PLXDC2: variants seen among roughly 807,000 people sequenced by gnomAD.
PLXDC2 encodes the protein plexin domain containing 2, also known as plexin domain-containing protein 2.
Under a neutral mutation model 68.9 loss-of-function variants are expected in PLXDC2, and 40 were observed. That is an observed-to-expected ratio of 0.58 (90% confidence interval 0.45 to 0.76). PLXDC2 has a LOEUF of 0.76. Among genes scored for constraint, PLXDC2 ranks in the 30% least tolerant of loss-of-function variants. The probability of loss-of-function intolerance (pLI) is 0.00; values close to 1 mark genes in which losing one functional copy is unlikely to be tolerated. For synonymous variants in PLXDC2, 243 were observed against 234.2 expected (o/e 1.04, Z -0.34); for missense variants, 644 against 661.9 (o/e 0.97, Z 0.30).
At chr10:20,024,305 A>T (rs186577184) in intron 2 of PLXDC2, among the ~76,000 whole-genome samples, 5 of 152,332 alleles carry the variant, frequency 3.3e-5, no homozygotes, top group African/African-American at 1.2e-4. Flanking sequence ...ACTAATTGGT[A>T]AGAGATCATT....
chr10:20,120,717 T>C (rs113067498), intron 4 of PLXDC2, among the ~76,000 whole-genome samples: 6 of 152,132 alleles, frequency 3.9e-5, no homozygotes, highest in African/African-American at 1.4e-4. Flanking sequence ...TCGAGCTTCA[T>C]GTGTAGGGAA....
chr10:19,981,505 C>G (rs1834548760), intron 1 of PLXDC2, among the ~76,000 whole-genome samples: 1 of 152,096 alleles, frequency 6.6e-6, no homozygotes, highest in Non-Finnish European at 1.5e-5. Flanking sequence ...TATTCTATAC[C>G]TGATGCAGCA....
chr10:20,284,054 C>A lies in PLXDC2; in HGVS notation c.*4235C>A, dbSNP rs1219185262. 2.0e-5 allele frequency: 3 copies of A among 152,144 alleles called. No homozygotes were observed. The South Asian group carries it at 6.2e-4, about 32-fold the overall frequency. The allele number at this position is 152,144 out of a possible 1,614,324, so 9.4% of individuals were successfully genotyped here. A position where few individuals can be genotyped will look rare whatever the true frequency, so the allele number is the denominator to read the frequency against. On this transcript the variant is annotated 3_prime_UTR_variant, in exon 14 of 14. Transcript: ENST00000377252. ...ACTTGAGAAAGGTTTTGCCAGGATC[C>A]ACAGATCGCTTCAAGATGCTTTCGT...
At chr10:20,248,486 T>G (rs1489462660) in intron 13 of PLXDC2, among the ~76,000 whole-genome samples, 1 of 152,206 alleles carries the variant, frequency 6.6e-6, no homozygotes, top group Admixed American at 6.5e-5. Flanking sequence ...AATAACTCTT[T>G]CTTCTTTTCA....
chr10:19,825,134 G>T (rs778672901), intron 1 of PLXDC2, among the ~76,000 whole-genome samples: 4 of 152,140 alleles, frequency 2.6e-5, no homozygotes, highest in Non-Finnish European at 5.9e-5. Flanking sequence ...TCAAGAGAGG[G>T]TCACAGGCCA....
At chr10:19,818,237 T>C (rs1836394115) in intron 1 of PLXDC2, among the ~76,000 whole-genome samples, 1 of 128,314 alleles carries the variant, frequency 7.8e-6, no homozygotes, top group African/African-American at 2.7e-5. Context: ...GGTGTGTGTG[T>C]GTGTGTGTGT....
intron 1 of PLXDC2, among the ~76,000 whole-genome samples, chr10:19,837,308 AG>A (rs1836812499): frequency 6.6e-6 from 1 of 152,088 alleles, no homozygotes; most frequent in African/African-American, 2.4e-5. Flanking sequence ...TCTTATCAGT[AG>A]GTTATCTTTC....
chr10:20,171,760 T>G (rs571200030), intron 7 of PLXDC2, among the ~76,000 whole-genome samples: 2 of 152,326 alleles, frequency 1.3e-5, no homozygotes, highest in African/African-American at 4.8e-5. Flanking sequence ...TTTTTTTGAT[T>G]TATTAACATT....
At chr10:19,900,068 T>C (rs547786695) in intron 1 of PLXDC2, among the ~76,000 whole-genome samples, 1 of 152,290 alleles carries the variant, frequency 6.6e-6, no homozygotes, top group African/African-American at 2.4e-5. Flanking sequence ...ATTATTTTTC[T>C]ATGTCCCACT....
chr10:20,006,552 G>A (rs1038673134), intron 2 of PLXDC2, among the ~76,000 whole-genome samples: 2 of 151,682 alleles, frequency 1.3e-5, no homozygotes, highest in African/African-American at 2.4e-5. Flanking sequence ...TCATTGTCTC[G>A]ACTTTATGTT....
At chr10:20,137,642 G>C (rs1296631595) in intron 4 of PLXDC2, among the ~76,000 whole-genome samples, 1 of 152,190 alleles carries the variant, frequency 6.6e-6, no homozygotes, top group East Asian at 1.9e-4. Context: ...CAACCTCCTT[G>C]TTTAAGTATA....
At chr10:20,241,792 AAAG>A (rs1253227858) in intron 12 of PLXDC2, among the ~76,000 whole-genome samples, 4 of 152,186 alleles carry the variant, frequency 2.6e-5, no homozygotes, top group Non-Finnish European at 4.4e-5. Flanking sequence ...TAAAAAATAA[AAAG>A]AAGAAGAAGT....
chr10:19,985,866 G>T (rs1288329048), intron 1 of PLXDC2, among the ~76,000 whole-genome samples: 1 of 152,122 alleles, frequency 6.6e-6, no homozygotes, highest in Non-Finnish European at 1.5e-5. Flanking sequence ...CAACTTCCTT[G>T]CTTTCTGCAA....
intron 4 of PLXDC2, among the ~76,000 whole-genome samples, chr10:20,121,527 G>T (rs958452811): frequency 6.6e-6 from 1 of 152,200 alleles, no homozygotes; most frequent in Non-Finnish European, 1.5e-5. Context: ...TGTCTGTGAA[G>T]CCTTGCGGCA....
chr10:20,112,032 G>A (rs574804793), intron 4 of PLXDC2, among the ~76,000 whole-genome samples: 4 of 152,198 alleles, frequency 2.6e-5, no homozygotes, highest in East Asian at 1.9e-4. Flanking sequence ...CTCTTACAAA[G>A]AGTCATTGTC....
intron 4 of PLXDC2, among the ~76,000 whole-genome samples, chr10:20,125,141 C>T (rs1833755146): frequency 6.6e-6 from 1 of 152,042 alleles, no homozygotes; most frequent in Non-Finnish European, 1.5e-5. Context: ...GACATTGTGA[C>T]AATCAACCCC....
At chr10:19,907,950 G>A (rs1456760824) in intron 1 of PLXDC2, among the ~76,000 whole-genome samples, 1 of 152,120 alleles carries the variant, frequency 6.6e-6, no homozygotes, top group Non-Finnish European at 1.5e-5. Context: ...ATGGGCACCA[G>A]CTACTGAATC....
At position 20,208,883 on chromosome 10, in the gene PLXDC2, C is replaced by T. The variant is rs1041111835; in HGVS notation, c.1062-2786C>T. ...GGAGACATCACATGTCGGCAGGTTG[C>T]GTGATGCTCCCCAAGCCATAAAACC... On this transcript the variant is annotated intron_variant, in intron 9 of 13. Transcript: ENST00000377252. Among the ~76,000 whole-genome samples the T allele has an allele frequency of 6.6e-5, 10 of 151,994 alleles. No individual in the cohort carries two copies. The East Asian group carries it at 1.4e-3, about 21-fold the overall frequency.
At chr10:20,118,920 C>CTTT (rs34396697) in intron 4 of PLXDC2, among the ~76,000 whole-genome samples, 1 of 139,954 alleles carries the variant, frequency 7.1e-6, no homozygotes. Context: ...ACATTGAAGC[C>CTTT]TTTTTTTTTT....
Sources: gnomAD v4.1 joint callset for allele counts (sites outside exome capture counted in the v4.1 genomes callset) on GRCh38, gnomAD v4.1.1 for gene constraint, MANE v1.5 for transcripts, NCBI Gene and HGNC (gene_info 2026-07-23, HGNC 2026-07-21) for gene names.